The following HTR7 variants were observed in gnomAD, a reference collection of about 807,000 sequenced individuals.
The protein encoded by HTR7 is 5-HT-7.
A neutral mutation model predicts 34.0 loss-of-function variants in HTR7; 16 were observed. The ratio of observed to expected loss-of-function variants is 0.47; its 90% CI spans 0.32 to 0.71. The LOEUF (loss-of-function observed/expected upper bound fraction) is 0.71, where lower values mean the gene tolerates loss of function less well. Ranked by LOEUF, HTR7 falls within the 30% of genes least tolerant of loss-of-function variation. The probability of loss-of-function intolerance (pLI) is 0.04; values close to 1 mark genes in which losing one functional copy is unlikely to be tolerated. For missense variants in HTR7, 504 were observed against 625.5 expected, an observed-to-expected ratio of 0.81 and a Z score of 2.07; for synonymous variants, 265 against 260.2, an observed-to-expected ratio of 1.02 and a Z score of -0.18.
intron 1 of HTR7, among the ~76,000 whole-genome samples, chr10:90,797,169 G>T (rs995692477): frequency 3.9e-5 from 6 of 152,014 alleles, no homozygotes; most frequent in African/African-American, 1.5e-4. Flanking sequence ...AAATTTCTAG[G>T]TTTTTTTCAT....
intron 1 of HTR7, among the ~76,000 whole-genome samples, chr10:90,853,606 G>A (rs1846533852): frequency 6.6e-6 from 1 of 151,732 alleles, no homozygotes; most frequent in African/African-American, 2.4e-5. Context: ...CATCTGGCTG[G>A]TAATTTGATT....
At chr10:90,839,133 C>T (rs1216515030) in intron 1 of HTR7, among the ~76,000 whole-genome samples, 1 of 152,154 alleles carries the variant, frequency 6.6e-6, no homozygotes, top group Non-Finnish European at 1.5e-5. Context: ...AGGGCTATCA[C>T]CTTTGTGGCC....
intron 1 of HTR7, among the ~76,000 whole-genome samples, chr10:90,775,378 A>G (rs1007879098): frequency 2.6e-5 from 4 of 152,184 alleles, no homozygotes; most frequent in African/African-American, 9.7e-5. Context: ...TCTCTGTCCC[A>G]GCAGAGTCCT....
intron 1 of HTR7, among the ~76,000 whole-genome samples, chr10:90,790,654 C>T (rs1035390248): frequency 1.3e-5 from 2 of 152,120 alleles, no homozygotes; most frequent in Admixed American, 1.3e-4. Context: ...ACAAGCATTT[C>T]CTAGCCTTTT....
At chr10:90,814,385 A>G (rs988430908) in intron 1 of HTR7, among the ~76,000 whole-genome samples, 2 of 152,214 alleles carry the variant, frequency 1.3e-5, no homozygotes, top group African/African-American at 2.4e-5. Flanking sequence ...TGGGCACCCT[A>G]TGTAATGCTA....
chr10:90,822,804 G>A (rs1306037936), intron 1 of HTR7, among the ~76,000 whole-genome samples: 1 of 152,192 alleles, frequency 6.6e-6, no homozygotes, highest in African/African-American at 2.4e-5. Context: ...CTCGAGACAT[G>A]TCACCTGGTG....
chr10:90,758,100 T>C (rs970837638), intron 1 of HTR7, among the ~76,000 whole-genome samples: 3 of 151,736 alleles, frequency 2.0e-5, no homozygotes, highest in Non-Finnish European at 4.4e-5. Flanking sequence ...GTAATCCCAG[T>C]ACTTTGGGAG....
intron 1 of HTR7, among the ~76,000 whole-genome samples, chr10:90,761,698 A>G (rs973939947): frequency 1.3e-5 from 2 of 151,880 alleles, no homozygotes; most frequent in African/African-American, 4.8e-5. Context: ...TTTCAAGTAT[A>G]CAATACACTA....
chr10:90,776,249 T>G (rs1845208123), intron 1 of HTR7, among the ~76,000 whole-genome samples: 1 of 152,210 alleles, frequency 6.6e-6, no homozygotes, highest in Admixed American at 6.5e-5. Context: ...ACTACTTAAA[T>G]TCGTAAATAC....
chr10:90,801,927 TG>T (rs1305166068), intron 1 of HTR7, among the ~76,000 whole-genome samples: 1 of 152,242 alleles, frequency 6.6e-6, no homozygotes, highest in Non-Finnish European at 1.5e-5. Flanking sequence ...ATGGTGTGAA[TG>T]TTCATATTGT....
rs1235702835 is a variant in HTR7, at chr10:90,742,528, T to C, written c.1394A>G (p.Asp465Gly). 2.5e-6 allele frequency: 4 copies of C among 1,584,168 alleles called. No homozygotes were observed. The highest frequency in any genetic ancestry group is 3.4e-6 in the Non-Finnish European group (4 of 1,162,242). ...QSPDHHNWLADKMLTTVEKKV... is the reference protein window; with the variant it reads ...QSPDHHNWLAGKMLTTVEKKV... ...TTTTTCTACAGTAGTCAGCATTTTG[T>C]CTAAAAAAAAGAGAGAGAAAAATAG... Residue 465 changes from aspartate (D) to glycine (G), a missense_variant and splice_region_variant, in exon 4 of 4, where the codon GAC becomes GGC. Physicochemically the swap from Asp to Gly is moderately conservative, Grantham distance 94 (BLOSUM62 -1). Around this residue, in one of 4 missense-constraint regions of HTR7, gnomAD observed 154 missense variants for 212.1 expected, o/e 0.73. Transcript: ENST00000336152.
At position 90,840,177 on chromosome 10, in the gene HTR7, T is replaced by TCTCACACACACA. The variant is rs1478516123; in HGVS notation, c.539+16955_539+16956insTGTGTGTGTGAG. On this transcript the variant is annotated intron_variant, in intron 1 of 3. Coordinates refer to ENST00000336152, the MANE Select transcript of HTR7 (RefSeq NM_019859.4). ...CTCCATCTGTTTCTCTCTCTCTCTC[T>TCTCACACACACA]CACACACACACACACACACACACAC... 1.5e-3 allele frequency among the ~76,000 whole-genome samples: 207 copies of TCTCACACACACA among 136,876 alleles called. 1 individual carries two copies. Among genetic ancestry groups the TCTCACACACACA allele is most frequent in the Middle Eastern group, 3.6e-3 (1 of 274 alleles). The allele number at this position is 136,876 out of a possible 152,430, so 89.8% of individuals were successfully genotyped here.
chr10:90,848,349 T>C (rs1214574616), intron 1 of HTR7, among the ~76,000 whole-genome samples: 1 of 152,200 alleles, frequency 6.6e-6, no homozygotes, highest in African/African-American at 2.4e-5. Context: ...GCATTATAGG[T>C]GTAAGCCACT....
intron 1 of HTR7, among the ~76,000 whole-genome samples, chr10:90,772,279 T>C (rs1385001070): frequency 1.8e-4 from 28 of 152,224 alleles, no homozygotes; most frequent in Admixed American, 1.8e-3. Flanking sequence ...TTGATGTTTT[T>C]CTTTTAAAAT....
intron 1 of HTR7, among the ~76,000 whole-genome samples, chr10:90,751,958 T>C (rs1354495371): frequency 6.6e-6 from 1 of 152,224 alleles, no homozygotes; most frequent in Non-Finnish European, 1.5e-5. Flanking sequence ...CTCATTTAAA[T>C]GGTATGTTTA....
At chr10:90,825,405 GAGA>G (rs1252304238) in intron 1 of HTR7, among the ~76,000 whole-genome samples, 1 of 152,206 alleles carries the variant, frequency 6.6e-6, no homozygotes, top group African/African-American at 2.4e-5. Flanking sequence ...AGCCCAGCCT[GAGA>G]AGACTACAAT....
chr10:90,816,245 G>T (rs1490747573), intron 1 of HTR7, among the ~76,000 whole-genome samples: 1 of 152,182 alleles, frequency 6.6e-6, no homozygotes, highest in Admixed American at 6.5e-5. Context: ...TGTCCTGCTT[G>T]GAAGGCTGCT....
intron 3 of HTR7, 74 bp downstream of exon 3, chr10:90,743,519 C>T: frequency 8.3e-7 from 1 of 1,202,948 alleles, no homozygotes; most frequent in South Asian, 1.2e-5. Context: ...CACGGCTCTG[C>T]TCACATAGTT....
At chr10:90,775,356 C>T (rs1236002643) in intron 1 of HTR7, among the ~76,000 whole-genome samples, 1 of 151,952 alleles carries the variant, frequency 6.6e-6, no homozygotes, top group Non-Finnish European at 1.5e-5. Context: ...GGTGTGATGG[C>T]GAGTTGAGAG....
Sources: allele counts gnomAD v4.1 joint callset (sites outside exome capture counted in the v4.1 genomes callset), GRCh38; gene constraint gnomAD v4.1.1; regional missense constraint gnomAD v4.1.1; transcripts MANE v1.5; gene names NCBI Gene and HGNC (gene_info 2026-07-23, HGNC 2026-07-21).